Variants in CADPS2 observed in about 807,000 individuals in gnomAD.
CADPS2 encodes calcium dependent secretion activator 2.
A neutral mutation model predicts 172.5 loss-of-function variants in CADPS2; 93 were observed. The observed-to-expected ratio is 0.54, with a 90% CI of 0.46 to 0.64. The LOEUF is 0.64. Among genes scored for constraint, CADPS2 ranks in the 30% least tolerant of loss-of-function variants. CADPS2 has a pLI of 0.00. For synonymous variants in CADPS2, 546 were observed against 555.2 expected (o/e 0.98, Z 0.23); for missense variants, 1,420 against 1,565.9 (o/e 0.91, Z 1.57).
intron 27 of CADPS2, among the ~76,000 whole-genome samples, chr7:122,358,728 C>G (rs1176627337): frequency 1.3e-5 from 2 of 152,066 alleles, no homozygotes; most frequent in Admixed American, 6.6e-5. Flanking sequence ...TAACGGCCAA[C>G]AAGACCTTAC....
intron 2 of CADPS2, among the ~76,000 whole-genome samples, chr7:122,715,465 G>C (rs1001310198): frequency 6.6e-6 from 1 of 152,026 alleles, no homozygotes; most frequent in Non-Finnish European, 1.5e-5. Context: ...CAGGATTTCC[G>C]TGCCTTGTAA....
chr7:122,848,798 G>A (rs184354459), intron 1 of CADPS2, among the ~76,000 whole-genome samples: 75 of 152,152 alleles, frequency 4.9e-4, no homozygotes, highest in Non-Finnish European at 6.9e-4. Context: ...CTAAGTAACC[G>A]GCAGCTTCAA....
intron 5 of CADPS2, among the ~76,000 whole-genome samples, chr7:122,617,342 T>C (rs887841165): frequency 6.6e-6 from 1 of 152,106 alleles, no homozygotes; most frequent in African/African-American, 2.4e-5. Context: ...AAATAAAACA[T>C]AGGTGGCCTT....
chr7:122,775,709 C>A (rs1206063104), intron 1 of CADPS2, among the ~76,000 whole-genome samples: 1 of 152,168 alleles, frequency 6.6e-6, no homozygotes, highest in Non-Finnish European at 1.5e-5. Flanking sequence ...TGACCATAAG[C>A]ATGGTTTTAA....
chr7:122,644,741 T>C (rs564566403), intron 3 of CADPS2, among the ~76,000 whole-genome samples: 1 of 152,250 alleles, frequency 6.6e-6, no homozygotes, highest in African/African-American at 2.4e-5. Context: ...CTTTTTGTAA[T>C]TTCATACAAC....
At chr7:122,790,028 G>GTTTTTT (rs747647291) in intron 1 of CADPS2, among the ~76,000 whole-genome samples, 1 of 126,674 alleles carries the variant, frequency 7.9e-6, no homozygotes. Flanking sequence ...AATATTAAGT[G>GTTTTTT]TTTTTTTTTT....
At chr7:122,527,615 AGAGT>A (rs1416115819) in intron 8 of CADPS2, among the ~76,000 whole-genome samples, 200 of 94,300 alleles carry the variant, frequency 2.1e-3, no homozygotes, top group African/African-American at 6.4e-3. Flanking sequence ...AGAGAGAGAG[AGAGT>A]GTGTGTGTGT....
At position 122,596,221 on chromosome 7, in the gene CADPS2, A is replaced by C. The variant is rs190085550; in HGVS notation, c.1224-14931T>G. 3.3e-5 allele frequency among the ~76,000 whole-genome samples: 5 copies of C among 152,240 alleles called. No homozygotes were observed. In the East Asian group the frequency reaches 9.7e-4, roughly 30 times the overall value. The stretch of plus-strand genomic sequence containing the variant: ...AAAAATGCTATACACACAGGCTTTT[A>C]AGCTCAAGAACATTTAAGCTCATTT... On this transcript the variant is annotated intron_variant, in intron 6 of 29. Transcript: ENST00000449022.
intron 2 of CADPS2, among the ~76,000 whole-genome samples, chr7:122,666,346 C>CTTTTTT (rs35558114): frequency 7.5e-6 from 1 of 133,518 alleles, no homozygotes; most frequent in African/African-American, 2.8e-5. Flanking sequence ...TCTGCTAACA[C>CTTTTTT]TTTTTTTTTT....
At chr7:122,320,586 T>C (rs1009392430) in intron 29 of CADPS2, among the ~76,000 whole-genome samples, 2 of 152,152 alleles carry the variant, frequency 1.3e-5, no homozygotes, top group African/African-American at 4.8e-5. Flanking sequence ...CAAATTCACT[T>C]TCCCCTCAGA....
intron 17 of CADPS2, among the ~76,000 whole-genome samples, chr7:122,423,570 T>C (rs1399585657): frequency 6.6e-6 from 1 of 152,202 alleles, no homozygotes; most frequent in African/African-American, 2.4e-5. Flanking sequence ...TGCCAACTAA[T>C]GAAAGAAAAT....
chr7:122,862,161 T>C (rs2501446), intron 1 of CADPS2, among the ~76,000 whole-genome samples: 6,088 of 152,288 alleles, frequency 0.04, 409 homozygotes, highest in African/African-American at 0.14. Context: ...GAAGGACATA[T>C]CTGCAGAGAG....
chr7:122,587,903 A>T (rs2070024538), intron 6 of CADPS2, among the ~76,000 whole-genome samples: 1 of 152,070 alleles, frequency 6.6e-6, no homozygotes, highest in South Asian at 2.1e-4. Flanking sequence ...AATAATCACC[A>T]TTCTGACTGG....
At chr7:122,732,233 C>T (rs552228642) in intron 2 of CADPS2, among the ~76,000 whole-genome samples, 4 of 151,362 alleles carry the variant, frequency 2.6e-5, no homozygotes, top group East Asian at 1.9e-4. Flanking sequence ...TGTCAAATAA[C>T]GTGGAGAAAA....
chr7:122,764,794 G>T (rs181176543), intron 1 of CADPS2, among the ~76,000 whole-genome samples: 3 of 151,974 alleles, frequency 2.0e-5, no homozygotes, highest in East Asian at 3.9e-4. Flanking sequence ...AATGTACTGC[G>T]TGCATCGAAG....
intron 27 of CADPS2, among the ~76,000 whole-genome samples, chr7:122,360,081 T>C (rs191710989): frequency 2.6e-3 from 401 of 152,306 alleles, no homozygotes; most frequent in African/African-American, 9.0e-3. Context: ...ATTCTAATTC[T>C]TTGAAAATTG....
intron 1 of CADPS2, among the ~76,000 whole-genome samples, chr7:122,816,710 T>G (rs1182916227): frequency 6.6e-6 from 1 of 152,216 alleles, no homozygotes; most frequent in African/African-American, 2.4e-5. Flanking sequence ...TTGCCTGTCT[T>G]TTTTGTAAAA....
At chr7:122,638,427 T>C (rs11764187) in intron 3 of CADPS2, among the ~76,000 whole-genome samples, 2,703 of 152,244 alleles carry the variant, frequency 0.018, 44 homozygotes, top group Non-Finnish European at 0.027. Context: ...ACCATCGAAG[T>C]GCTTCCTGGG....
intron 6 of CADPS2, among the ~76,000 whole-genome samples, chr7:122,597,822 T>C (rs185034718): frequency 5.9e-4 from 90 of 152,200 alleles, no homozygotes; most frequent in African/African-American, 1.9e-3. Context: ...GGATTTTTGT[T>C]CCAATTTACT....
Sources: allele counts gnomAD v4.1 joint callset (sites outside exome capture counted in the v4.1 genomes callset), GRCh38; gene constraint gnomAD v4.1.1; transcripts MANE v1.5; gene names NCBI Gene and HGNC (gene_info 2026-07-23, HGNC 2026-07-21).